SH3BP4: variants seen among roughly 807,000 people sequenced by gnomAD.
SH3BP4 encodes the protein SH3 domain binding protein 4, also known as SH3 domain-binding protein 4.
In SH3BP4, 33 loss-of-function variants were observed where a neutral mutation model predicts 65.5. The ratio of observed to expected loss-of-function variants is 0.50; its 90% CI spans 0.38 to 0.67. The LOEUF is 0.67. Among genes scored for constraint, SH3BP4 ranks in the 30% least tolerant of loss-of-function variants. The probability of loss-of-function intolerance (pLI) is 0.00; values close to 1 mark genes in which losing one functional copy is unlikely to be tolerated. For synonymous variants in SH3BP4, 552 were observed against 545.5 expected, an observed-to-expected ratio of 1.01 and a Z score of -0.17; for missense variants, 1,134 against 1,261.4, an observed-to-expected ratio of 0.90 and a Z score of 1.53.
intron 1 of SH3BP4, among the ~76,000 whole-genome samples, chr2:234,973,918 A>AG (rs1693087782): frequency 6.6e-6 from 1 of 152,050 alleles, no homozygotes; most frequent in African/African-American, 2.4e-5. Flanking sequence ...TATAGATGTG[A>AG]GCCACTGCAC....
At chr2:234,955,106 T>TC (rs1224688149) in intron 1 of SH3BP4, among the ~76,000 whole-genome samples, 3 of 152,174 alleles carry the variant, frequency 2.0e-5, no homozygotes, top group Non-Finnish European at 4.4e-5. Context: ...CTGGGACATT[T>TC]CCCAAGGCCC....
In SH3BP4 at chr2:234,967,655, G is replaced by A. The variant is rs1357691256; in HGVS notation, c.-207+15485G>A. On this transcript the variant is annotated intron_variant, in intron 1 of 5. Coordinates refer to ENST00000392011, the MANE Select transcript of SH3BP4 (RefSeq NM_014521.3). This position sits in a 1 kb window ranked among gnomAD's most constrained non-coding sequence, Gnocchi z 4.6. ...GTTACCTCCTTCCCGTGCCTCCCTGGCTCCCTGGGTTCTTGGTTCTTGGTG... is the reference window on the plus strand; with the variant it reads ...GTTACCTCCTTCCCGTGCCTCCCTGACTCCCTGGGTTCTTGGTTCTTGGTG... Among the ~76,000 whole-genome samples, 1 of 152,122 alleles carries A rather than the reference G, an allele frequency of 6.6e-6. No individual in the cohort carries two copies. Among genetic ancestry groups the A allele is most frequent in the Non-Finnish European group, 1.5e-5 (1 of 68,018 alleles).
intron 1 of SH3BP4, among the ~76,000 whole-genome samples, chr2:234,957,480 T>C (rs1331116946): frequency 3.3e-5 from 5 of 151,512 alleles, no homozygotes; most frequent in Non-Finnish European, 1.5e-5. Flanking sequence ...ATGGAAGAAA[T>C]TGTGGCCTCA....
chr2:234,987,833 A>G (rs1693615970), intron 1 of SH3BP4, among the ~76,000 whole-genome samples: 1 of 152,220 alleles, frequency 6.6e-6, no homozygotes, highest in Non-Finnish European at 1.5e-5. Context: ...TACAAGGAAA[A>G]GCCGAGTGTG....
chr2:235,037,735 A>G (rs1396590561), intron 3 of SH3BP4, among the ~76,000 whole-genome samples: 1 of 152,182 alleles, frequency 6.6e-6, no homozygotes, highest in Non-Finnish European at 1.5e-5. Context: ...AATGGTTTAT[A>G]TTCCTGGAGA....
chr2:235,047,768 G>A (rs950305124), intron 4 of SH3BP4, among the ~76,000 whole-genome samples: 3 of 152,324 alleles, frequency 2.0e-5, no homozygotes, highest in Admixed American at 1.3e-4. Context: ...GAACGAAGCC[G>A]TGGGGTGTGG....
intron 1 of SH3BP4, among the ~76,000 whole-genome samples, chr2:234,970,982 G>GCTA (rs537958392): frequency 5.5e-4 from 84 of 152,162 alleles, no homozygotes; most frequent in Admixed American, 9.2e-4. Context: ...AACAAAATAG[G>GCTA]CTACTCATTA....
chr2:234,996,815 T>C (rs929274137), intron 2 of SH3BP4, among the ~76,000 whole-genome samples: 4 of 152,246 alleles, frequency 2.6e-5, no homozygotes, highest in African/African-American at 9.6e-5. Flanking sequence ...TGGACTGGCC[T>C]CGCTGGACTT....
intron 1 of SH3BP4, among the ~76,000 whole-genome samples, chr2:234,989,086 G>A (rs537212677): frequency 3.3e-5 from 5 of 152,104 alleles, no homozygotes; most frequent in African/African-American, 9.6e-5. Flanking sequence ...TCAGAGTGTC[G>A]CTTTCTCAGT....
chr2:235,041,555 G>A lies in SH3BP4; in HGVS notation c.786G>A (p.Ser262=), dbSNP rs778537659. 1.4e-5 allele frequency: 23 copies of A among 1,613,960 alleles called. No homozygotes were observed. The highest frequency in any genetic ancestry group is 3.3e-5 in the South Asian group (3 of 91,088). The change falls in exon 4 of 6, where the codon TCG becomes TCA. Residue 262 remains serine (S), a synonymous_variant. Transcript: ENST00000392011. The surrounding 1 kb of genome is among the most constrained non-coding windows in gnomAD (Gnocchi z 6.0). ...VLQAKSDAPT[S]SSFFTGLKSP... Reference sequence around the variant, plus strand: ...AAGCCAAGTCCGATGCTCCCACATCGTCGAGTTTCTTCACCGGCTTGAAAT... The same window carrying A: ...AAGCCAAGTCCGATGCTCCCACATCATCGAGTTTCTTCACCGGCTTGAAAT...
At chr2:235,044,112 A>G (rs1292881916) in intron 4 of SH3BP4, among the ~76,000 whole-genome samples, 3 of 152,210 alleles carry the variant, frequency 2.0e-5, no homozygotes, top group African/African-American at 7.2e-5. Context: ...GCCTGTGTTC[A>G]TTGTAATGTG....
At chr2:235,013,161 T>A (rs1203019354) in intron 2 of SH3BP4, among the ~76,000 whole-genome samples, 2 of 152,212 alleles carry the variant, frequency 1.3e-5, no homozygotes, top group Admixed American at 6.5e-5. Context: ...AAACCCTAAG[T>A]GCTGACTCGC....
intron 3 of SH3BP4, among the ~76,000 whole-genome samples, chr2:235,037,384 G>C (rs2106327404): frequency 6.6e-6 from 1 of 152,290 alleles, no homozygotes; most frequent in African/African-American, 2.4e-5. Flanking sequence ...AGAGTGGGGT[G>C]ATTTCCCTTG....
chr2:235,040,842 C>G, intron 3 of SH3BP4, 46 bp from the exon 4 acceptor site: 1 of 1,553,340 alleles, frequency 6.4e-7, no homozygotes, highest in Non-Finnish European at 8.8e-7. Context: ...TCCGGACACC[C>G]CGCCGGCCTT....
intron 2 of SH3BP4, among the ~76,000 whole-genome samples, chr2:235,022,218 A>G (rs535293924): frequency 6.6e-6 from 1 of 152,320 alleles, no homozygotes; most frequent in East Asian, 1.9e-4. Context: ...GTAATTGAGC[A>G]GAAGGTGCAA....
intron 2 of SH3BP4, among the ~76,000 whole-genome samples, chr2:234,999,342 C>T (rs2106280759): frequency 6.6e-6 from 1 of 152,272 alleles, no homozygotes; most frequent in East Asian, 1.9e-4. Flanking sequence ...AAAGATTCCG[C>T]TATTATTTAT....
intron 2 of SH3BP4, among the ~76,000 whole-genome samples, chr2:234,999,383 C>T (rs890431040): frequency 7.9e-5 from 12 of 152,190 alleles, no homozygotes; most frequent in African/African-American, 2.7e-4. Flanking sequence ...TTGCTGAAAT[C>T]TGCTCCCATT....
chr2:235,043,418 C>T (rs1695745128), intron 4 of SH3BP4, among the ~76,000 whole-genome samples, 171 bp downstream of exon 4: 1 of 120,604 alleles, frequency 8.3e-6, no homozygotes, highest in African/African-American at 3.2e-5. Context: ...TTTCGCCTTC[C>T]CAATATGCGT....
chr2:235,051,908 A>G (rs1252242872), intron 4 of SH3BP4, among the ~76,000 whole-genome samples: 2 of 152,080 alleles, frequency 1.3e-5, no homozygotes, highest in Non-Finnish European at 2.9e-5. Flanking sequence ...GGGAGTGGTG[A>G]CAACTCTAAT....
Sources: gnomAD v4.1 joint callset for allele counts (sites outside exome capture counted in the v4.1 genomes callset) on GRCh38, gnomAD v4.1.1 for gene constraint, Gnocchi (gnomAD v3.1) non-coding constraint, MANE v1.5 for transcripts, NCBI Gene and HGNC (gene_info 2026-07-23, HGNC 2026-07-21) for gene names.